ATR: variants seen among roughly 807,000 people sequenced by gnomAD.
ATR encodes serine/threonine-protein kinase ATR.
In ATR, 142 loss-of-function variants were observed where a neutral mutation model predicts 305.3. The observed-to-expected ratio is 0.47, with a 90% CI of 0.41 to 0.53. The LOEUF is 0.53. Ranked by LOEUF, ATR falls within the 20% of genes least tolerant of loss-of-function variation. The pLI is 0.00. For synonymous variants in ATR, 1,050 were observed against 1,068.1 expected, an observed-to-expected ratio of 0.98 and a Z score of 0.33; for missense variants, 2,135 against 3,133.1, an observed-to-expected ratio of 0.68 and a Z score of 7.60.
At position 142,512,321 on chromosome 3, in the gene ATR, C is replaced by T. The variant is rs2032620015; in HGVS notation, c.4791G>A (p.Gln1597=). The T allele has an allele frequency of 5.6e-6, 9 of 1,613,488 alleles. No individual in the cohort carries two copies. The highest frequency in any genetic ancestry group is 3.3e-5 in the Admixed American group (2 of 59,960). ...GTGGACATTTCTCAGCTTTCAGTGC[C>T]TGAAATTTGTGCCTTGCCCACTGTG... The part of the protein sequence containing the change: ...HLTQWARHKF[Q]ALKAEKCPHS... Residue 1597 remains glutamine (Q), a synonymous_variant, in exon 27 of 47, where the codon CAG becomes CAA. Coordinates refer to ENST00000350721, the MANE Select transcript of ATR (RefSeq NM_001184.4).
chr3:142,506,514 C>T (rs1427990919), intron 28 of ATR, among the ~76,000 whole-genome samples: 1 of 152,036 alleles, frequency 6.6e-6, no homozygotes, highest in East Asian at 1.9e-4. Flanking sequence ...ATGGAAAACC[C>T]CGTCTCTACA....
chr3:142,466,608 T>A (rs1559911159), intron 39 of ATR, 75 bp from the exon 40 acceptor site: 1 of 1,348,738 alleles, frequency 7.4e-7, no homozygotes, highest in Non-Finnish European at 1.0e-6. Flanking sequence ...ACTTTTACAA[T>A]ATTTTGATTA....
chr3:142,522,613 T>C, intron 23 of ATR, 115 bp downstream of exon 23: 2 of 905,204 alleles, frequency 2.2e-6, no homozygotes, highest in South Asian at 2.8e-5. Context: ...TGAACTTGTA[T>C]AACTTTGATA....
chr3:142,484,366 G>A (rs956856883), intron 36 of ATR, among the ~76,000 whole-genome samples: 4 of 152,068 alleles, frequency 2.6e-5, no homozygotes, highest in Non-Finnish European at 5.9e-5. Context: ...AACCCCACAG[G>A]ACAGAGTTTG....
intron 44 of ATR, 140 bp downstream of exon 44, chr3:142,458,818 T>C (rs1486418579): frequency 1.0e-6 from 1 of 980,732 alleles, no homozygotes; most frequent in Admixed American, 2.1e-5. Flanking sequence ...GATCCACTGA[T>C]GAAAACTAGT....
Position 142,559,343 on chromosome 3 carries a change from C to T in ATR, c.1640G>A (p.Cys547Tyr), listed in dbSNP as rs1446849110. Residue 547 changes from cysteine to tyrosine, a missense_variant, in exon 7 of 47, where the codon TGT (cysteine) becomes TAT (tyrosine). Physicochemically the swap from Cys to Tyr is radical, Grantham distance 194. Around this residue, in one of 9 missense-constraint regions of ATR, gnomAD observed 744 missense variants for 873.2 expected, o/e 0.85. Coordinates refer to ENST00000350721, the MANE Select transcript of ATR (RefSeq NM_001184.4). The stretch of plus-strand genomic sequence containing the variant: ...CTGAACAGATTCTAACAAACTTCTA[C>T]AGCTCTTAAGCACTTTTGTGTAAAA... ...LDFYTKVLKSCRSLLESVQKL... is the reference protein window; with the variant it reads ...LDFYTKVLKSYRSLLESVQKL... 2 of 1,613,926 alleles carry T rather than the reference C, an allele frequency of 1.2e-6. No homozygotes were observed. The highest frequency in any genetic ancestry group is 1.7e-6 in the Non-Finnish European group (2 of 1,179,866).
At chr3:142,570,974 G>C (rs901797917) in intron 1 of ATR, among the ~76,000 whole-genome samples, 2 of 152,160 alleles carry the variant, frequency 1.3e-5, no homozygotes, top group African/African-American at 4.8e-5. Context: ...ACCAATTCTT[G>C]AGATGTGACT....
intron 21 of ATR, among the ~76,000 whole-genome samples, chr3:142,533,142 A>G (rs1275363948): frequency 2.6e-5 from 4 of 152,080 alleles, no homozygotes; most frequent in Admixed American, 2.6e-4. Flanking sequence ...CTTAAAAAAA[A>G]AAATTAGGTG....
chr3:142,492,459 C>T (rs1317886086), intron 35 of ATR, among the ~76,000 whole-genome samples: 3 of 152,148 alleles, frequency 2.0e-5, no homozygotes, highest in African/African-American at 7.2e-5. Flanking sequence ...ATAGGAACTA[C>T]TCTGTTTAAC....
chr3:142,501,464 T>C (rs1367750130), intron 30 of ATR, among the ~76,000 whole-genome samples: 1 of 152,184 alleles, frequency 6.6e-6, no homozygotes, highest in Non-Finnish European at 1.5e-5. Flanking sequence ...CCCTTAGACA[T>C]TGTAAAATGA....
Position 142,499,617 on chromosome 3 carries a change from G to A in ATR, c.5380+10C>T, listed in dbSNP as rs746923144. On this transcript the variant is annotated intron_variant, in intron 31 of 46. Coordinates refer to ENST00000350721, the MANE Select transcript of ATR (RefSeq NM_001184.4). ...CCTAAAACTGCTTATATTTTAAGAA[G>A]TAATTTTACCTGCTGCCAAATAGTT... The A allele has an allele frequency of 6.2e-7, 1 of 1,612,940 alleles. No individual in the cohort carries two copies. The highest frequency in any genetic ancestry group is 2.2e-5 in the East Asian group (1 of 44,836).
intron 24 of ATR, among the ~76,000 whole-genome samples, chr3:142,519,351 T>C (rs1357163513): frequency 1.3e-5 from 2 of 151,908 alleles, no homozygotes; most frequent in Admixed American, 6.6e-5. Context: ...ACCCAGGCTG[T>C]AGTGCAATGG....
intron 16 of ATR, among the ~76,000 whole-genome samples, chr3:142,544,950 A>G (rs957511295): frequency 1.3e-5 from 2 of 152,226 alleles, no homozygotes; most frequent in Non-Finnish European, 2.9e-5. Flanking sequence ...GTAAGCCACA[A>G]TTCACTAATT....
intron 1 of ATR, among the ~76,000 whole-genome samples, chr3:142,574,377 G>T (rs1202406499): frequency 6.0e-5 from 9 of 149,852 alleles, no homozygotes; most frequent in Non-Finnish European, 8.9e-5. Flanking sequence ...TGGGAGGATC[G>T]CTTGACCCCA....
At chr3:142,546,260 A>G (rs1577672273) in intron 16 of ATR, among the ~76,000 whole-genome samples, 1 of 152,106 alleles carries the variant, frequency 6.6e-6, no homozygotes, top group African/African-American at 2.4e-5. Flanking sequence ...CTGGCTCTCA[A>G]TCAGGTTCTA....
intron 42 of ATR, among the ~76,000 whole-genome samples, chr3:142,461,656 A>G (rs1414356712): frequency 2.0e-5 from 3 of 152,154 alleles, no homozygotes; most frequent in Non-Finnish European, 4.4e-5. Flanking sequence ...TAGTTTCAGA[A>G]TTGTTAACCA....
chr3:142,479,450 G>C (rs1577535978), intron 36 of ATR, among the ~76,000 whole-genome samples: 1 of 152,168 alleles, frequency 6.6e-6, no homozygotes, highest in East Asian at 1.9e-4. Context: ...TTTCTGCCGA[G>C]AGATCAGCTG....
intron 21 of ATR, among the ~76,000 whole-genome samples, chr3:142,534,198 T>C (rs1251497760): frequency 6.6e-6 from 1 of 152,118 alleles, no homozygotes; most frequent in Non-Finnish European, 1.5e-5. Flanking sequence ...AGTTTCATTG[T>C]AGTTTAGAGC....
intron 1 of ATR, among the ~76,000 whole-genome samples, chr3:142,569,862 G>A (rs1053137191): frequency 6.6e-6 from 1 of 150,966 alleles, no homozygotes; most frequent in Non-Finnish European, 1.5e-5. Context: ...GGCCAGGATG[G>A]TCTCAATCTC....
Sources: allele counts gnomAD v4.1 joint callset (sites outside exome capture counted in the v4.1 genomes callset), GRCh38; gene constraint gnomAD v4.1.1; regional missense constraint gnomAD v4.1.1; transcripts MANE v1.5; gene names NCBI Gene and HGNC (gene_info 2026-07-23, HGNC 2026-07-21).